Variants in NRXN3 observed in about 807,000 individuals in gnomAD.
NRXN3 encodes the protein neurexin 3.
In NRXN3, 32 loss-of-function variants were observed where a neutral mutation model predicts 137.6. The ratio of observed to expected loss-of-function variants is 0.23; its 90% CI spans 0.18 to 0.31. NRXN3 has a LOEUF of 0.31. Ranked by LOEUF, NRXN3 falls within the 10% of genes least tolerant of loss-of-function variation. The pLI, the probability that NRXN3 is intolerant of heterozygous loss-of-function variation, is 1.00. For synonymous variants in NRXN3, 798 were observed against 784.5 expected (o/e 1.02, Z -0.29); for missense variants, 1,574 against 2,062.5 (o/e 0.76, Z 4.59).
At chr14:78,220,247 T>G (rs993156391) in intron 1 of NRXN3, among the ~76,000 whole-genome samples, 21 of 151,878 alleles carry the variant, frequency 1.4e-4, no homozygotes, top group Non-Finnish European at 2.9e-5. Flanking sequence ...GAGTGGGTAG[T>G]TTGTGAAGAG....
At chr14:79,089,414 G>A (rs755335238) in intron 15 of NRXN3, among the ~76,000 whole-genome samples, 1 of 152,120 alleles carries the variant, frequency 6.6e-6, no homozygotes, top group African/African-American at 2.4e-5. Flanking sequence ...AGAGGAGGAA[G>A]AGGAGGAATA....
intron 4 of NRXN3, among the ~76,000 whole-genome samples, chr14:78,347,622 C>T (rs2082929512): frequency 6.6e-6 from 1 of 152,140 alleles, no homozygotes; most frequent in South Asian, 2.1e-4. Context: ...CTGTTGTCCT[C>T]CAACAGACCT....
At chr14:79,765,752 T>A (rs2099053775) in intron 19 of NRXN3, among the ~76,000 whole-genome samples, 2 of 152,302 alleles carry the variant, frequency 1.3e-5, no homozygotes, top group Middle Eastern at 3.4e-3. Context: ...CCGTGCAGGG[T>A]CATTCTGTCC....
Position 78,526,976 on chromosome 14 carries a change from G to T in NRXN3, c.758-118144G>T, listed in dbSNP as rs183524192. Among the ~76,000 whole-genome samples, 3 of 152,306 alleles carry T rather than the reference G, an allele frequency of 2.0e-5. No homozygotes were observed. The East Asian group carries it at 5.8e-4, about 29-fold the overall frequency. On this transcript the variant is annotated intron_variant, in intron 4 of 20. Coordinates refer to ENST00000335750, the MANE Select transcript of NRXN3 (RefSeq NM_001330195.2). ...GTACAGGGCTGTGTGGATTAAGGGA[G>T]TGAAGTGGCAATGAGAAACAGAATT...
chr14:78,454,681 C>T (rs918220746), intron 4 of NRXN3, among the ~76,000 whole-genome samples: 1 of 152,128 alleles, frequency 6.6e-6, no homozygotes, highest in African/African-American at 2.4e-5. Flanking sequence ...ACATAAGGTG[C>T]TATGGTGCAT....
intron 10 of NRXN3, among the ~76,000 whole-genome samples, chr14:78,843,365 TA>T (rs2099018059): frequency 1.3e-5 from 2 of 152,136 alleles, no homozygotes; most frequent in African/African-American, 4.8e-5. Flanking sequence ...CTTTTTAGCT[TA>T]AATACTTGTT....
chr14:78,358,647 CT>C (rs1486230608), intron 4 of NRXN3, among the ~76,000 whole-genome samples: 1 of 152,158 alleles, frequency 6.6e-6, no homozygotes, highest in Non-Finnish European at 1.5e-5. Flanking sequence ...GTTTGGGTAG[CT>C]ACGCATCCAG....
intron 16 of NRXN3, among the ~76,000 whole-genome samples, chr14:79,602,072 C>G (rs1444471447): frequency 6.6e-6 from 1 of 152,172 alleles, no homozygotes; most frequent in African/African-American, 2.4e-5. Context: ...ACTGATCAGG[C>G]TAAATACAAC....
intron 16 of NRXN3, among the ~76,000 whole-genome samples, chr14:79,576,025 ATTC>A (rs1456399824): frequency 1.3e-5 from 2 of 152,188 alleles, no homozygotes; most frequent in African/African-American, 2.4e-5. Flanking sequence ...CCAAAATGGT[ATTC>A]TTCTTATCTG....
At chr14:78,696,320 T>G (rs550217070) in intron 6 of NRXN3, among the ~76,000 whole-genome samples, 27 of 152,112 alleles carry the variant, frequency 1.8e-4, no homozygotes, top group African/African-American at 6.0e-4. Context: ...AATCTCAGAT[T>G]CCCAGTTTTC....
intron 10 of NRXN3, among the ~76,000 whole-genome samples, chr14:78,943,615 AAAAAAAATATATATATATATAT>A (rs2099357830): frequency 4.7e-5 from 2 of 42,498 alleles, no homozygotes; most frequent in African/African-American, 8.3e-5. Flanking sequence ...ACTGTTAAAA[AAAAAAAATATATATATATATAT>A]ATATATATAT....
At chr14:78,201,877 C>T (rs564832865) in intron 1 of NRXN3, among the ~76,000 whole-genome samples, 4 of 152,266 alleles carry the variant, frequency 2.6e-5, no homozygotes, top group Non-Finnish European at 5.9e-5. Flanking sequence ...AAGTGTGACT[C>T]GGAGGCCGCA....
At chr14:78,879,464 C>T (rs573269961) in intron 10 of NRXN3, among the ~76,000 whole-genome samples, 89 of 152,282 alleles carry the variant, frequency 5.8e-4, no homozygotes, top group African/African-American at 2.1e-3. Context: ...TTGCATTTCC[C>T]TGATAATTAG....
chr14:78,810,582 C>G (rs1345644719), intron 10 of NRXN3, among the ~76,000 whole-genome samples: 1 of 151,664 alleles, frequency 6.6e-6, no homozygotes, highest in Admixed American at 6.6e-5. Flanking sequence ...TGCATTTGCT[C>G]TATATGAAGA....
At chr14:79,571,565 G>A (rs778496738) in intron 16 of NRXN3, among the ~76,000 whole-genome samples, 5 of 152,074 alleles carry the variant, frequency 3.3e-5, no homozygotes, top group Admixed American at 6.6e-5. Context: ...TGAATGCCTG[G>A]GCCTTTGGCT....
intron 4 of NRXN3, among the ~76,000 whole-genome samples, chr14:78,301,122 T>C (rs746912193): frequency 1.3e-5 from 2 of 150,670 alleles, no homozygotes; most frequent in African/African-American, 4.9e-5. Flanking sequence ...AGAGAATTGG[T>C]GAATTGCCTG....
intron 17 of NRXN3, among the ~76,000 whole-genome samples, chr14:79,666,142 TA>T (rs1235480317): frequency 6.6e-6 from 1 of 152,162 alleles, no homozygotes; most frequent in East Asian, 1.9e-4. Context: ...TAAGAGTTTT[TA>T]TTTTTCTCCT....
chr14:79,838,279 A>G (rs1478031730), intron 20 of NRXN3, among the ~76,000 whole-genome samples: 1 of 152,196 alleles, frequency 6.6e-6, no homozygotes, highest in Non-Finnish European at 1.5e-5. Context: ...ACTATAGATT[A>G]ATACTATGAA....
chr14:79,791,482 A>ATAATTATAATTAATTATATATTG (rs1304201946), intron 19 of NRXN3, among the ~76,000 whole-genome samples: 2 of 143,826 alleles, frequency 1.4e-5, no homozygotes, highest in Admixed American at 7.0e-5. Context: ...ATATATTGTA[A>ATAATTATAATTAATTATATATTG]TAATTATAAT....
Sources: gnomAD v4.1 joint callset for allele counts (sites outside exome capture counted in the v4.1 genomes callset) on GRCh38, gnomAD v4.1.1 for gene constraint, MANE v1.5 for transcripts, NCBI Gene and HGNC (gene_info 2026-07-23, HGNC 2026-07-21) for gene names.